The following ARHGAP15 variants were observed in gnomAD, a reference collection of about 807,000 sequenced individuals.
The protein encoded by ARHGAP15 is Rho GTPase activating protein 15.
In ARHGAP15, 51 loss-of-function variants were observed where a neutral mutation model predicts 63.7. That is an observed-to-expected ratio of 0.80 (90% confidence interval 0.64 to 1.01). ARHGAP15 has a LOEUF of 1.01. ARHGAP15 is among the 50% of genes least tolerant of loss of function. The pLI is 0.00. For synonymous variants in ARHGAP15, 191 were observed against 193.8 expected (o/e 0.99, Z 0.12); for missense variants, 560 against 564.6 (o/e 0.99, Z 0.08).
intron 6 of ARHGAP15, among the ~76,000 whole-genome samples, chr2:143,292,635 TAG>T (rs1682457629): frequency 1.3e-5 from 2 of 152,168 alleles, no homozygotes; most frequent in South Asian, 4.1e-4. Flanking sequence ...ATTATTATAA[TAG>T]AAAGGTTGAT....
intron 13 of ARHGAP15, among the ~76,000 whole-genome samples, chr2:143,745,461 C>T (rs1418841812): frequency 1.3e-5 from 2 of 152,202 alleles, no homozygotes; most frequent in African/African-American, 2.4e-5. Context: ...AAAACAAAAA[C>T]TCAGACTATA....
chr2:143,494,461 G>A (rs896275828), intron 9 of ARHGAP15, among the ~76,000 whole-genome samples: 6 of 151,966 alleles, frequency 3.9e-5, no homozygotes, highest in Admixed American at 3.3e-4. Flanking sequence ...ATAAATATTC[G>A]GTAATTGAAT....
intron 6 of ARHGAP15, among the ~76,000 whole-genome samples, chr2:143,332,318 C>T (rs1363631926): frequency 1.3e-5 from 2 of 151,846 alleles, no homozygotes; most frequent in South Asian, 2.1e-4. Context: ...TTCCTGGGGT[C>T]GTCTCGATGG....
chr2:143,174,695 T>C lies in ARHGAP15; in HGVS notation c.165+19040T>C, dbSNP rs553958049. 9.2e-4 allele frequency among the ~76,000 whole-genome samples: 140 copies of C among 152,248 alleles called. 2 individuals carry two copies. Among genetic ancestry groups the C allele is most frequent in the African/African-American group, 3.2e-3 (135 of 41,568 alleles). On this transcript the variant is annotated intron_variant, in intron 2 of 13. Transcript: ENST00000295095. ...ATAGAAATTATGCAGCACTTTTGAG[T>C]GCCTATTTGATTTACTTGTTAAAAG... is the stretch of plus-strand genomic sequence containing the variant.
chr2:143,537,215 TGACG>T (rs1694815096), intron 10 of ARHGAP15, among the ~76,000 whole-genome samples: 2 of 152,192 alleles, frequency 1.3e-5, no homozygotes, highest in Non-Finnish European at 2.9e-5. Flanking sequence ...GCCCACTTTT[TGACG>T]AGGTTGTTTG....
rs1157757796 is a variant in ARHGAP15 at position 143,757,339 on chromosome 2, G to A, written c.1245-10650G>A. ...AGCCTGGCCAATATAGGGAAACCCCGTCTCTACTAAAAATACAAAAAATTA... is the reference window on the plus strand; with the variant it reads ...AGCCTGGCCAATATAGGGAAACCCCATCTCTACTAAAAATACAAAAAATTA... On this transcript the variant is annotated intron_variant, in intron 13 of 13. Coordinates refer to ENST00000295095, the MANE Select transcript of ARHGAP15 (RefSeq NM_018460.4). Among the ~76,000 whole-genome samples, 5 of 151,880 alleles carry A rather than the reference G, an allele frequency of 3.3e-5. No homozygotes were observed. The South Asian group carries it at 6.2e-4, about 19-fold the overall frequency.
chr2:143,528,611 A>C (rs1267626276), intron 10 of ARHGAP15, among the ~76,000 whole-genome samples: 1 of 152,146 alleles, frequency 6.6e-6, no homozygotes, highest in African/African-American at 2.4e-5. Context: ...TGCTGTTGCT[A>C]TCAAAAGCTC....
chr2:143,489,529 T>A (rs762620087), intron 9 of ARHGAP15, among the ~76,000 whole-genome samples: 3 of 152,222 alleles, frequency 2.0e-5, no homozygotes, highest in Non-Finnish European at 4.4e-5. Flanking sequence ...TTAAGGCTTT[T>A]ACTAAGTTTT....
At chr2:143,443,052 A>G (rs570302731) in intron 8 of ARHGAP15, among the ~76,000 whole-genome samples, 1 of 152,278 alleles carries the variant, frequency 6.6e-6, no homozygotes, top group Admixed American at 6.5e-5. Context: ...AACTTTTAAG[A>G]TATTTATTAT....
intron 9 of ARHGAP15, among the ~76,000 whole-genome samples, chr2:143,505,555 C>A (rs1347985753): frequency 6.6e-6 from 1 of 152,176 alleles, no homozygotes; most frequent in Non-Finnish European, 1.5e-5. Flanking sequence ...GGGCTCATAA[C>A]TACTCTCCAA....
At chr2:143,628,607 T>C (rs1027552017) in intron 12 of ARHGAP15, among the ~76,000 whole-genome samples, 1 of 152,138 alleles carries the variant, frequency 6.6e-6, no homozygotes, top group Non-Finnish European at 1.5e-5. Flanking sequence ...ACAGGGCCCA[T>C]CTGGTTTCAG....
At chr2:143,142,619 T>C (rs1223818828) in intron 1 of ARHGAP15, among the ~76,000 whole-genome samples, 1 of 152,124 alleles carries the variant, frequency 6.6e-6, no homozygotes, top group Non-Finnish European at 1.5e-5. Context: ...TGGATCAGAA[T>C]GTGTGGAAGT....
chr2:143,271,061 ATC>A, intron 6 of ARHGAP15, among the ~76,000 whole-genome samples: 1 of 151,916 alleles, frequency 6.6e-6, no homozygotes, highest in African/African-American at 2.4e-5. Flanking sequence ...CAAAATTTCC[ATC>A]TGTCTTTCTT....
At position 143,149,514 on chromosome 2, in the gene ARHGAP15, A is replaced by G. The variant is rs188248462; in HGVS notation, c.-14-5963A>G. Among the ~76,000 whole-genome samples, 148 of 152,156 alleles carry G rather than the reference A, an allele frequency of 9.7e-4. 1 individual carries two copies. The highest frequency in any genetic ancestry group is 3.3e-3 in the African/African-American group (137 of 41,566). On this transcript the variant is annotated intron_variant, in intron 1 of 13. Transcript: ENST00000295095. ...CAAAGCAAAAATCCCTGAAAATTCT[A>G]AGATTGTGATAAATTTGATCTTTTT... is the stretch of plus-strand genomic sequence containing the variant.
chr2:143,762,565 C>CTT (rs1251641750), intron 13 of ARHGAP15, among the ~76,000 whole-genome samples: 1 of 152,134 alleles, frequency 6.6e-6, no homozygotes, highest in Non-Finnish European at 1.5e-5. Context: ...CATTTTCAGA[C>CTT]TTGTATATGG....
At chr2:143,366,984 C>T (rs1360352154) in intron 6 of ARHGAP15, among the ~76,000 whole-genome samples, 1 of 152,042 alleles carries the variant, frequency 6.6e-6, no homozygotes, top group Non-Finnish European at 1.5e-5. Flanking sequence ...TCATAATTGG[C>T]AGGTCCATGA....
chr2:143,711,408 T>A (rs192285780), intron 13 of ARHGAP15, among the ~76,000 whole-genome samples: 14 of 152,308 alleles, frequency 9.2e-5, no homozygotes, highest in Middle Eastern at 3.4e-3. Flanking sequence ...ACAAGCTATC[T>A]TTAAGGATGT....
At chr2:143,616,943 G>C (rs1316006144) in intron 11 of ARHGAP15, among the ~76,000 whole-genome samples, 1 of 152,180 alleles carries the variant, frequency 6.6e-6, no homozygotes, top group African/African-American at 2.4e-5. Flanking sequence ...GTAGTACTTA[G>C]AGTCTCAGGT....
At chr2:143,411,123 T>G (rs1389546065) in intron 6 of ARHGAP15, among the ~76,000 whole-genome samples, 1 of 152,140 alleles carries the variant, frequency 6.6e-6, no homozygotes, top group African/African-American at 2.4e-5. Flanking sequence ...GAAAATCACT[T>G]GAACCTCAGA....
Sources: gnomAD v4.1 joint callset for allele counts (sites outside exome capture counted in the v4.1 genomes callset) on GRCh38, gnomAD v4.1.1 for gene constraint, MANE v1.5 for transcripts, NCBI Gene and HGNC (gene_info 2026-07-23, HGNC 2026-07-21) for gene names.